Variants in SP140 observed in about 807,000 individuals in gnomAD.
SP140 encodes SP140 nuclear body protein.
Under a neutral mutation model 125.0 loss-of-function variants are expected in SP140, and 81 were observed. That is an observed-to-expected ratio of 0.65 (90% CI 0.54 to 0.78). SP140 has a LOEUF of 0.78. SP140 is among the 30% of genes least tolerant of loss of function. The probability of loss-of-function intolerance (pLI) is 0.00; values close to 1 mark genes in which losing one functional copy is unlikely to be tolerated. For synonymous variants in SP140, 312 were observed against 354.0 expected (o/e 0.88, Z 1.33); for missense variants, 858 against 1,037.0 (o/e 0.83, Z 2.37).
At chr2:230,294,242 C>G in intron 20 of SP140, 29 bp from the exon 21 acceptor site, 1 of 1,600,112 alleles carries the variant, frequency 6.2e-7, no homozygotes, top group Non-Finnish European at 8.6e-7. Flanking sequence ...CACAGGCTGA[C>G]CATATACCTG....
At position 230,233,352 on chromosome 2, in the gene SP140, A is replaced by T. The variant is rs2047525145; in HGVS notation, c.60-3731A>T. 3.9e-5 allele frequency among the ~76,000 whole-genome samples: 6 copies of T among 152,164 alleles called. No individual in the cohort carries two copies. In the South Asian group the frequency reaches 1.0e-3, roughly 26 times the overall value. ...CTTTACCAAGATATCGCACCACTGC[A>T]CTCCAGCCTGGGTGACAGAGCGAGA... On this transcript the variant is annotated intron_variant, in intron 1 of 26. Transcript: ENST00000392045.
At chr2:230,255,609 A>G in intron 12 of SP140, 77 bp downstream of exon 12, 1 of 1,367,574 alleles carries the variant, frequency 7.3e-7, no homozygotes, top group South Asian at 1.2e-5. Flanking sequence ...GTGTTTCCTG[A>G]TTGACTTTCC....
Position 230,269,838 on chromosome 2 carries a change from A to C in SP140, c.1329A>C (p.Gly443=), listed in dbSNP as rs1559299813. 6.2e-7 allele frequency: 1 copy of C among 1,612,898 alleles called. No individual in the cohort carries two copies. Among genetic ancestry groups the C allele is most frequent in the East Asian group, 2.2e-5 (1 of 44,868 alleles). The part of the protein sequence containing the change: ...ASSLLYDNVP[G]AEQSAYENEK... ...TCATGAATCACAATTTTGGCCCAGG[A>C]GCGGAGCAATCAGCATATGAAAATG... Residue 443 remains glycine (G), a splice_region_variant and synonymous_variant, in exon 14 of 27, where the codon GGA becomes GGC. Coordinates refer to ENST00000392045, the MANE Select transcript of SP140 (RefSeq NM_007237.5).
chr2:230,235,963 G>T (rs376611709), intron 1 of SP140, among the ~76,000 whole-genome samples: 1 of 133,206 alleles, frequency 7.5e-6, no homozygotes, highest in Admixed American at 8.7e-5. Context: ...TGCAAGCTCC[G>T]CCTCCTGGGT....
upstream of SP140, chr2:230,201,097 A>G: frequency 2.7e-6 from 2 of 752,848 alleles, no homozygotes; most frequent in Admixed American, 1.9e-5. Flanking sequence ...CTAACAATGC[A>G]TCTACCAAGA....
At chr2:230,285,050 T>C (rs968770486) in intron 16 of SP140, among the ~76,000 whole-genome samples, 4 of 152,300 alleles carry the variant, frequency 2.6e-5, no homozygotes, top group African/African-American at 9.6e-5. Flanking sequence ...AAAAGTAACA[T>C]ATGCAAAAAG....
chr2:230,293,190 G>A (rs1291913899), intron 20 of SP140, among the ~76,000 whole-genome samples: 2 of 152,216 alleles, frequency 1.3e-5, no homozygotes, highest in Admixed American at 1.3e-4. Context: ...GGTAGCACAG[G>A]TTGTGTGCAA....
At chr2:230,243,362 C>T (rs1218054800) in intron 4 of SP140, among the ~76,000 whole-genome samples, 1 of 151,768 alleles carries the variant, frequency 6.6e-6, no homozygotes. Flanking sequence ...TCAGAGAAAG[C>T]AAGAGAAAAA....
At chr2:230,266,166 G>A (rs1434546191) in intron 12 of SP140, among the ~76,000 whole-genome samples, 1 of 152,114 alleles carries the variant, frequency 6.6e-6, no homozygotes, top group East Asian at 1.9e-4. Flanking sequence ...TTGGTCTTGG[G>A]AAACTCTGAA....
chr2:230,193,591 C>T, the SP140 span, among the ~76,000 whole-genome samples: 6 of 152,312 alleles, frequency 3.9e-5, no homozygotes, highest in South Asian at 1.0e-3. Flanking sequence ...CTAAAAATGA[C>T]TTTATTTCTC....
rs41265097 is a variant in SP140 at position 230,243,631 on chromosome 2, A to T, written c.491-100A>T. On this transcript the variant is annotated intron_variant, in intron 4 of 26. Coordinates refer to ENST00000392045, the MANE Select transcript of SP140 (RefSeq NM_007237.5). ...TGTTTGGGGAGAGGGGACCTTCCAG[A>T]TTATCAGGTTTTCTTAGTTTTCTCA... The T allele has an allele frequency of 0.014, 13,193 of 932,064 alleles. 735 individuals are homozygous for T. The African/African-American group carries it at 0.15, about 11-fold the overall frequency. The allele number at this position is 932,064 out of a possible 1,614,324, so 57.7% of individuals were successfully genotyped here.
At chr2:230,278,387 A>G (rs1213290955) in intron 15 of SP140, among the ~76,000 whole-genome samples, 1 of 151,998 alleles carries the variant, frequency 6.6e-6, no homozygotes, top group Admixed American at 6.6e-5. Context: ...TTCCTTATAT[A>G]TATTTAGGTA....
chr2:230,284,083 C>A (rs1048233518), intron 15 of SP140, among the ~76,000 whole-genome samples: 1 of 152,110 alleles, frequency 6.6e-6, no homozygotes, highest in Non-Finnish European at 1.5e-5. Context: ...AAGGTGCCAG[C>A]AAGAGTTAAT....
At chr2:230,269,246 T>C (rs1210175599) in intron 12 of SP140, among the ~76,000 whole-genome samples, 1 of 152,204 alleles carries the variant, frequency 6.6e-6, no homozygotes, top group African/African-American at 2.4e-5. Flanking sequence ...CTTTTCACTA[T>C]TGTCAAAGAA....
At chr2:230,203,928 C>T (rs951496511) in intron 1 of SP140, among the ~76,000 whole-genome samples, 1 of 152,110 alleles carries the variant, frequency 6.6e-6, no homozygotes, top group African/African-American at 2.4e-5. Flanking sequence ...GTGATGGTTG[C>T]ACAACATTGT....
chr2:230,208,116 G>A, intron 1 of SP140: 1 of 985,776 alleles, frequency 1.0e-6, no homozygotes, highest in South Asian at 1.3e-5. Flanking sequence ...AATCTTGTAT[G>A]TCAATGATAT....
intron 15 of SP140, among the ~76,000 whole-genome samples, chr2:230,281,612 C>A (rs751278397): frequency 1.6e-4 from 25 of 152,148 alleles, no homozygotes; most frequent in Non-Finnish European, 1.9e-4. Context: ...TTCTTTTTAA[C>A]TATGATAATT....
chr2:230,283,401 A>T (rs2055894449), intron 15 of SP140, among the ~76,000 whole-genome samples: 2 of 152,268 alleles, frequency 1.3e-5, no homozygotes, highest in African/African-American at 4.8e-5. Context: ...GTAGAGGAAA[A>T]GCATTTTATA....
At chr2:230,305,945 C>T (rs2058721303) in intron 22 of SP140, among the ~76,000 whole-genome samples, 1 of 152,236 alleles carries the variant, frequency 6.6e-6, no homozygotes, top group Non-Finnish European at 1.5e-5. Flanking sequence ...CAGGCAGGGT[C>T]ACAAGCCAGG....
Sources: allele counts gnomAD v4.1 joint callset (sites outside exome capture counted in the v4.1 genomes callset), GRCh38; gene constraint gnomAD v4.1.1; transcripts MANE v1.5; gene names NCBI Gene and HGNC (gene_info 2026-07-23, HGNC 2026-07-21).